SSR2: variants seen among roughly 807,000 people sequenced by gnomAD.
SSR2 encodes signal sequence receptor subunit 2, also known as translocon-associated protein subunit beta.
Under a neutral mutation model 22.6 loss-of-function variants are expected in SSR2, and 16 were observed. That is an observed-to-expected ratio of 0.71 (90% CI 0.48 to 1.08). The LOEUF is 1.08. Among genes scored for constraint, SSR2 ranks in the 50% least tolerant of loss-of-function variants. SSR2 has a pLI of 0.00. For synonymous variants in SSR2, 83 were observed against 91.2 expected, an observed-to-expected ratio of 0.91 and a Z score of 0.51; for missense variants, 171 against 221.6, an observed-to-expected ratio of 0.77 and a Z score of 1.45.
chr1:156,016,854 C>T (rs1340527614), intron 3 of SSR2, among the ~76,000 whole-genome samples: 1 of 152,170 alleles, frequency 6.6e-6, no homozygotes, highest in Non-Finnish European at 1.5e-5. Context: ...CTCTTACTCT[C>T]TTCCTCCTGC....
rs140088312 is a variant in SSR2, at chr1:156,009,504, G to A, written c.*36C>T. 9.3e-5 allele frequency: 140 copies of A among 1,511,754 alleles called. No homozygotes were observed. The East Asian group carries it at 3.1e-3, about 34-fold the overall frequency. 93.6% of individuals were successfully genotyped at this position (1,511,754 alleles called of 1,614,324 possible). A position where few individuals can be genotyped will look rare whatever the true frequency, so the allele number is the denominator to read the frequency against. On this transcript the variant is annotated 3_prime_UTR_variant, in exon 6 of 6. Transcript: ENST00000295702. ...CCTGGATTTCTTGGGAGAGGAGCCT[G>A]GATTTCTTGGGAGAGGAGGGCTGTG...
At chr1:156,020,754 A>G in intron 1 of SSR2, 134 bp downstream of exon 1, 1 of 387,668 alleles carries the variant, frequency 2.6e-6, no homozygotes, top group Admixed American at 3.1e-5. Flanking sequence ...CGCCTCTTGC[A>G]AGGTTACACG....
At chr1:156,010,967 C>T (rs1682969946) in intron 5 of SSR2, 1 of 152,028 alleles carries the variant, frequency 6.6e-6, no homozygotes, top group African/African-American at 2.4e-5. Context: ...AGCATTTTCC[C>T]CATTTACCTT....
chr1:156,020,940 A>G lies in SSR2; in HGVS notation c.-53T>C, dbSNP rs1332536062. ...GCCACAAAGACAGGAAGAGAGCGTC[A>G]GCATCCGAAAGACCGGAAATAAGCA... On this transcript the variant is annotated 5_prime_UTR_variant, in exon 1 of 6. Transcript: ENST00000295702. The G allele has an allele frequency of 2.1e-6, 1 of 471,370 alleles. No homozygotes were observed. Among genetic ancestry groups the G allele is most frequent in the East Asian group, 6.9e-5 (1 of 14,534 alleles). 29.2% of individuals were successfully genotyped at this position (471,370 alleles called of 1,614,324 possible).
At chr1:156,017,414 A>ATCTCAGCTCACTGCAACCTGCACCTCCCG (rs1683073357) in intron 3 of SSR2, among the ~76,000 whole-genome samples, 1 of 152,112 alleles carries the variant, frequency 6.6e-6, no homozygotes, top group Admixed American at 6.6e-5. Flanking sequence ...CAGTGGCGCG[A>ATCTCAGCTCACTGCAACCTGCACCTCCCG]TCTCAGCTCA....
chr1:156,016,019 C>T (rs34126883), intron 3 of SSR2, among the ~76,000 whole-genome samples: 75,732 of 151,238 alleles, frequency 0.5, 21,067 homozygotes, highest in Non-Finnish European at 0.63. Flanking sequence ...GGCATGGTGG[C>T]GAGTGCCTGT....
In SSR2 at chr1:156,019,180, A is replaced by G. The variant is rs114955979; in HGVS notation, c.156-812T>C. On this transcript the variant is annotated intron_variant, in intron 2 of 5. Coordinates refer to ENST00000295702, the MANE Select transcript of SSR2 (RefSeq NM_003145.4). ...GAATCCAGGTCAAGGACTGGATTCTATTGCTCAGAAGCACCAAAATAATCA... is the reference window on the plus strand; with the variant it reads ...GAATCCAGGTCAAGGACTGGATTCTGTTGCTCAGAAGCACCAAAATAATCA... 696 of 426,782 alleles carry G rather than the reference A, an allele frequency of 1.6e-3. 4 individuals carry two copies. The highest frequency in any genetic ancestry group is 0.012 in the African/African-American group (600 of 49,274). 26.4% of individuals were successfully genotyped at this position (426,782 alleles called of 1,614,324 possible). A position where few individuals can be genotyped will look rare whatever the true frequency, so the allele number is the denominator to read the frequency against.
intron 3 of SSR2, among the ~76,000 whole-genome samples, chr1:156,017,748 T>TTG (rs1683079893): frequency 8.5e-6 from 1 of 117,092 alleles, no homozygotes; most frequent in African/African-American, 3.2e-5. Context: ...GGTTTTTTTT[T>TTG]TTTTTTTTTT....
At chr1:156,011,990 T>C (rs1043184908) in intron 4 of SSR2, 103 bp from the exon 5 acceptor site, 1 of 761,894 alleles carries the variant, frequency 1.3e-6, no homozygotes, top group African/African-American at 1.7e-5. Flanking sequence ...CTCTATGCAT[T>C]AGAGTCTTAG....
chr1:156,018,314 G>A lies in SSR2; in HGVS notation c.210C>T (p.Gly70=), dbSNP rs1439275761. The A allele has an allele frequency of 6.2e-7, 1 of 1,614,044 alleles. No individual in the cohort carries two copies. Among genetic ancestry groups the A allele is most frequent in the Non-Finnish European group, 8.5e-7 (1 of 1,179,948 alleles). Residue 70 remains glycine (G), a synonymous_variant, in exon 3 of 6, where the codon GGC becomes GGT. Coordinates refer to ENST00000295702, the MANE Select transcript of SSR2 (RefSeq NM_003145.4). The stretch of plus-strand genomic sequence containing the variant: ...TGACATTGAGCATTCCAGACACAAT[G>A]CCAAAGTCTTCTGGAGGGAAGGAAT... ...SDDSFPPEDF[G]IVSGMLNVKW...
chr1:156,017,322 C>G (rs1294181741), intron 3 of SSR2, among the ~76,000 whole-genome samples: 4 of 152,102 alleles, frequency 2.6e-5, no homozygotes, highest in African/African-American at 7.2e-5. Flanking sequence ...AAAAGGTCAC[C>G]CAGATCCTTC....
intron 1 of SSR2, 149 bp from the exon 2 acceptor site, chr1:156,020,316 C>G (rs977620624): frequency 1.3e-6 from 1 of 746,170 alleles, no homozygotes; most frequent in African/African-American, 1.8e-5. Flanking sequence ...CAGAGCAGAC[C>G]CGTTCTCCAG....
intron 5 of SSR2, 130 bp from the exon 6 acceptor site, chr1:156,009,780 GTTTTT>G: frequency 2.0e-6 from 1 of 511,638 alleles, no homozygotes; most frequent in Non-Finnish European, 3.3e-6. Context: ...CAAAGTCTTA[GTTTTT>G]TTTTTTGAGA....
Position 156,018,234 on chromosome 1 carries a change from C to T in SSR2, c.254+36G>A, listed in dbSNP as rs907270902. 1.2e-5 allele frequency: 19 copies of T among 1,543,960 alleles called. No homozygotes were observed. The African/African-American group carries it at 2.2e-4, about 18-fold the overall frequency. ...GCTTTGCAGGCAAGGCTCTCCCTGC[C>T]CCCCGACCCTTCATCACCAAGTGCC... On this transcript the variant is annotated intron_variant, in intron 3 of 5. Coordinates refer to ENST00000295702, the MANE Select transcript of SSR2 (RefSeq NM_003145.4).
chr1:156,014,875 C>T (rs967320674), intron 4 of SSR2, 86 bp downstream of exon 4: 1 of 1,103,376 alleles, frequency 9.1e-7, no homozygotes, highest in Non-Finnish European at 1.4e-6. Context: ...ATCAACCTCT[C>T]TTCATCCCCC....
chr1:156,015,859 A>G (rs1456992631), intron 3 of SSR2, among the ~76,000 whole-genome samples: 2 of 151,932 alleles, frequency 1.3e-5, no homozygotes, highest in East Asian at 3.9e-4. Context: ...TAAAAAAATT[A>G]TAGTCACTTG....
chr1:156,013,857 G>A (rs17381047), intron 4 of SSR2: 76,241 of 152,350 alleles, frequency 0.5, 21,208 homozygotes, highest in Non-Finnish European at 0.63. Context: ...AGAAAGACAA[G>A]GACATCAGTA....
At chr1:156,020,291 T>A in intron 1 of SSR2, 124 bp from the exon 2 acceptor site, 1 of 1,023,124 alleles carries the variant, frequency 9.8e-7, no homozygotes, top group Non-Finnish European at 1.4e-6. Flanking sequence ...TTCCACAGAG[T>A]AGTCCATAAG....
Position 156,009,569 on chromosome 1 carries a change from A to G in SSR2, c.523T>C (p.Tyr175His), listed in dbSNP as rs1558075860. 1.9e-6 allele frequency: 3 copies of G among 1,613,382 alleles called. No homozygotes were observed. The highest frequency in any genetic ancestry group is 1.7e-6 in the Non-Finnish European group (2 of 1,179,720). Residue 175 changes from tyrosine to histidine, a missense_variant, in exon 6 of 6, where the codon TAT (tyrosine) becomes CAT (histidine). Transcript: ENST00000295702. ...TTCTTCTTCGTTTTGGGAGTGTCAT[A>G]TTTCCTCTTGCTGGAGTACCACAAT... ...LLLWYSSKRK[Y>H]DTPKTKKN
Sources: gnomAD v4.1 joint callset for allele counts (sites outside exome capture counted in the v4.1 genomes callset) on GRCh38, gnomAD v4.1.1 for gene constraint, MANE v1.5 for transcripts, NCBI Gene and HGNC (gene_info 2026-07-23, HGNC 2026-07-21) for gene names.